The following NAV2 variants were observed in gnomAD, a reference collection of about 807,000 sequenced individuals.
NAV2 encodes helicase, APC down-regulated 1.
A neutral mutation model predicts 223.2 loss-of-function variants in NAV2; 54 were observed. The ratio of observed to expected loss-of-function variants is 0.24; its 90% CI spans 0.19 to 0.30. NAV2 has a LOEUF of 0.30. Ranked by LOEUF, NAV2 falls within the 10% of genes least tolerant of loss-of-function variation. The probability of loss-of-function intolerance (pLI) is 1.00; values close to 1 mark genes in which losing one functional copy is unlikely to be tolerated. For synonymous variants in NAV2, 1,279 were observed against 1,239.3 expected, an observed-to-expected ratio of 1.03 and a Z score of -0.67; for missense variants, 2,806 against 3,147.5, an observed-to-expected ratio of 0.89 and a Z score of 2.60.
At chr11:19,776,710 C>T (rs2056244166) in intron 1 of NAV2, among the ~76,000 whole-genome samples, 1 of 146,296 alleles carries the variant, frequency 6.8e-6, no homozygotes, top group African/African-American at 2.5e-5. Flanking sequence ...TGCATCCATC[C>T]TGCAGCCATA....
chr11:19,418,388 C>T (rs1564921454), intron 1 of NAV2, among the ~76,000 whole-genome samples: 2 of 152,186 alleles, frequency 1.3e-5, no homozygotes, highest in Non-Finnish European at 2.9e-5. Context: ...CAGAGGGGAA[C>T]ATGCAGGTGG....
chr11:20,111,849 C>T (rs1280679147), intron 36 of NAV2, among the ~76,000 whole-genome samples: 1 of 152,166 alleles, frequency 6.6e-6, no homozygotes, highest in Non-Finnish European at 1.5e-5. Context: ...CCAAAAGTTC[C>T]CCAGTCTACT....
intron 1 of NAV2, among the ~76,000 whole-genome samples, chr11:19,762,341 A>G (rs1451467302): frequency 6.6e-6 from 1 of 152,204 alleles, no homozygotes; most frequent in Non-Finnish European, 1.5e-5. Context: ...TGCTGTCAGC[A>G]TAAAGATCCA....
At chr11:20,022,336 A>G (rs1591700144) in intron 11 of NAV2, among the ~76,000 whole-genome samples, 1 of 151,914 alleles carries the variant, frequency 6.6e-6, no homozygotes, top group African/African-American at 2.4e-5. Flanking sequence ...ACTCTCTCCC[A>G]CCCACCTCCC....
At chr11:19,756,357 C>T (rs958587436) in intron 1 of NAV2, among the ~76,000 whole-genome samples, 1 of 152,200 alleles carries the variant, frequency 6.6e-6, no homozygotes, top group Non-Finnish European at 1.5e-5. Flanking sequence ...AGGTCATATT[C>T]TGAGGTTCCA....
chr11:19,721,746 A>G (rs1003561545), intron 1 of NAV2, among the ~76,000 whole-genome samples: 1 of 152,240 alleles, frequency 6.6e-6, no homozygotes, highest in Non-Finnish European at 1.5e-5. Flanking sequence ...TGTATTAGAT[A>G]GTATTATTCT....
intron 10 of NAV2, among the ~76,000 whole-genome samples, chr11:19,950,125 C>T (rs1338856526): frequency 6.6e-6 from 1 of 152,176 alleles, no homozygotes; most frequent in African/African-American, 2.4e-5. Context: ...CAGAAGTTCT[C>T]CAAGATCTTT....
At chr11:19,520,839 A>G (rs867996470) in intron 1 of NAV2, among the ~76,000 whole-genome samples, 5 of 152,188 alleles carry the variant, frequency 3.3e-5, no homozygotes, top group Admixed American at 6.5e-5. Context: ...CACAGGAGGC[A>G]GGGGCGTGGG....
At chr11:19,985,641 A>T (rs2050728646) in intron 11 of NAV2, among the ~76,000 whole-genome samples, 1 of 151,990 alleles carries the variant, frequency 6.6e-6, no homozygotes, top group Non-Finnish European at 1.5e-5. Context: ...CAGTGGCATG[A>T]TCCTGGCTTA....
intron 1 of NAV2, among the ~76,000 whole-genome samples, chr11:19,563,827 A>T (rs562501747): frequency 1.3e-5 from 2 of 152,326 alleles, no homozygotes; most frequent in South Asian, 2.1e-4. Flanking sequence ...TAACATGAAG[A>T]GAATAGTAAT....
At chr11:19,892,313 A>G in intron 5 of NAV2, 121 bp from the exon 6 acceptor site, 1 of 924,436 alleles carries the variant, frequency 1.1e-6, no homozygotes, top group Non-Finnish European at 1.5e-6. Flanking sequence ...TGTGACTGGC[A>G]AACCTCCACA....
At chr11:19,886,845 A>G (rs2041038047) in intron 5 of NAV2, among the ~76,000 whole-genome samples, 1 of 152,194 alleles carries the variant, frequency 6.6e-6, no homozygotes, top group Non-Finnish European at 1.5e-5. Context: ...ACCCTAAGCC[A>G]AGATCTGGCT....
chr11:19,433,158 T>G (rs1564932362), intron 1 of NAV2, among the ~76,000 whole-genome samples: 1 of 152,200 alleles, frequency 6.6e-6, no homozygotes, highest in Admixed American at 6.5e-5. Context: ...AGGGTCAATA[T>G]GTAGAGATGG....
At chr11:20,036,249 G>C in intron 12 of NAV2, 152 bp downstream of exon 12, 1 of 887,458 alleles carries the variant, frequency 1.1e-6, no homozygotes, top group South Asian at 1.7e-5. Flanking sequence ...CTCACCTCCT[G>C]ACCCTGACCT....
chr11:19,571,602 A>T (rs566107717), intron 1 of NAV2, among the ~76,000 whole-genome samples: 25 of 152,218 alleles, frequency 1.6e-4, no homozygotes, highest in Non-Finnish European at 3.1e-4. Flanking sequence ...GCTACTCGGG[A>T]GGCTGAGGCA....
intron 12 of NAV2, among the ~76,000 whole-genome samples, chr11:20,038,396 C>T (rs1450642534): frequency 6.6e-6 from 1 of 152,122 alleles, no homozygotes; most frequent in African/African-American, 2.4e-5. Context: ...AAAAGTAGGT[C>T]TTAAAGTAAA....
intron 6 of NAV2, among the ~76,000 whole-genome samples, chr11:19,910,831 C>T (rs945849682): frequency 1.3e-5 from 2 of 152,120 alleles, no homozygotes; most frequent in African/African-American, 4.8e-5. Context: ...GCACTCCAGC[C>T]TGGGTGACAG....
intron 1 of NAV2, among the ~76,000 whole-genome samples, chr11:19,581,784 G>C (rs539903367): frequency 6.6e-6 from 1 of 152,120 alleles, no homozygotes; most frequent in Admixed American, 6.6e-5. Context: ...ATTTGGGTTG[G>C]TTCCAAGTCT....
At chr11:19,665,984 ACAACTACTTTCCATC>A (rs555986938) in intron 1 of NAV2, among the ~76,000 whole-genome samples, 4 of 152,138 alleles carry the variant, frequency 2.6e-5, no homozygotes, top group Non-Finnish European at 4.4e-5. Flanking sequence ...CATTTTCATC[ACAACTACTTTCCATC>A]CAGGCAATTG....
Sources: allele counts gnomAD v4.1 joint callset (sites outside exome capture counted in the v4.1 genomes callset), GRCh38; gene constraint gnomAD v4.1.1; transcripts MANE v1.5; gene names NCBI Gene and HGNC (gene_info 2026-07-23, HGNC 2026-07-21).